Variants in NCOA7 observed in about 807,000 individuals in gnomAD.
NCOA7 encodes the protein 140 kDa estrogen receptor-associated protein.
A neutral mutation model predicts 104.3 loss-of-function variants in NCOA7; 45 were observed. The observed-to-expected ratio is 0.43, with a 90% CI of 0.34 to 0.55. The LOEUF (loss-of-function observed/expected upper bound fraction) is 0.55, where lower values mean the gene tolerates loss of function less well. NCOA7 is among the 20% of genes least tolerant of loss of function. NCOA7 has a pLI of 0.02. For missense variants in NCOA7, 1,041 were observed against 1,119.7 expected, an observed-to-expected ratio of 0.93 and a Z score of 1.00; for synonymous variants, 398 against 402.3, an observed-to-expected ratio of 0.99 and a Z score of 0.13.
chr6:125,795,750 G>T lies in NCOA7; in HGVS notation c.-65+4683G>T, dbSNP rs574432695. Reference sequence around the variant, plus strand: ...TCTGCACATCTTACCCTGGTCTCTTGGACCCTGAGAGATTCATCTCCTGTC... The same window carrying T: ...TCTGCACATCTTACCCTGGTCTCTTTGACCCTGAGAGATTCATCTCCTGTC... On this transcript the variant is annotated intron_variant, in intron 1 of 15. Transcript: ENST00000392477. Among the ~76,000 whole-genome samples, 117 of 152,126 alleles carry T rather than the reference G, an allele frequency of 7.7e-4. 1 individual carries two copies. The highest frequency in any genetic ancestry group is 2.7e-3 in the African/African-American group (114 of 41,486).
intron 5 of NCOA7, among the ~76,000 whole-genome samples, chr6:125,880,382 G>C (rs2128645887): frequency 1.3e-5 from 2 of 151,960 alleles, no homozygotes; most frequent in South Asian, 4.2e-4. Flanking sequence ...TCCCACCTTG[G>C]AGGGCTCTTC....
intron 10 of NCOA7, among the ~76,000 whole-genome samples, chr6:125,896,926 T>C (rs1006593259): frequency 3.9e-5 from 6 of 152,340 alleles, no homozygotes; most frequent in African/African-American, 1.4e-4. Flanking sequence ...TTATACTCAA[T>C]AGACAGTTAT....
At chr6:125,919,363 G>C in intron 11 of NCOA7, 1 of 1,612,830 alleles carries the variant, frequency 6.2e-7, no homozygotes, top group Non-Finnish European at 8.5e-7. Context: ...CACAATGAGA[G>C]GCCAAAGATT....
intron 2 of NCOA7, among the ~76,000 whole-genome samples, chr6:125,831,858 A>G (rs1779213618): frequency 1.3e-5 from 2 of 152,032 alleles, no homozygotes; most frequent in Non-Finnish European, 1.5e-5. Flanking sequence ...GACTTCTGTC[A>G]TTTGCTTTTT....
intron 1 of NCOA7, among the ~76,000 whole-genome samples, chr6:125,800,899 C>T (rs540391574): frequency 2.3e-4 from 35 of 152,236 alleles, no homozygotes; most frequent in African/African-American, 5.1e-4. Context: ...TCGGGGCACG[C>T]GCCTGTAATC....
chr6:125,890,968 CT>C (rs1784580428), intron 10 of NCOA7, among the ~76,000 whole-genome samples, 158 bp downstream of exon 10: 1 of 152,178 alleles, frequency 6.6e-6, no homozygotes, highest in South Asian at 2.1e-4. Context: ...AAGGGACTTT[CT>C]GCTAAATGGT....
At chr6:125,897,129 G>C (rs528376379) in intron 10 of NCOA7, among the ~76,000 whole-genome samples, 1 of 152,326 alleles carries the variant, frequency 6.6e-6, no homozygotes, top group South Asian at 2.1e-4. Flanking sequence ...ACAGGTATCT[G>C]TCAGTTTAAA....
chr6:125,884,337 T>C (rs1332095554), intron 7 of NCOA7, among the ~76,000 whole-genome samples: 1 of 152,222 alleles, frequency 6.6e-6, no homozygotes, highest in African/African-American at 2.4e-5. Flanking sequence ...GTTTGAGATA[T>C]GATTTCATTT....
Position 125,897,528 on chromosome 6 carries a change from GCA to G in NCOA7, c.2096+6723_2096+6724del, listed in dbSNP as rs779307404. ...TATTTTTCCTGGAATTGGCATAATA[GCA>G]CACAGTTAATTTTTACTTTATCTCT... is the stretch of plus-strand genomic sequence containing the variant. On this transcript the variant is annotated intron_variant, in intron 10 of 15. Coordinates refer to ENST00000392477, the MANE Select transcript of NCOA7 (RefSeq NM_181782.5). Among the ~76,000 whole-genome samples the G allele has an allele frequency of 7.9e-5, 12 of 152,148 alleles. No homozygotes were observed. In the East Asian group the frequency reaches 2.1e-3, roughly 27 times the overall value.
chr6:125,866,280 G>GAT (rs1248683738), intron 3 of NCOA7, among the ~76,000 whole-genome samples: 4 of 151,766 alleles, frequency 2.6e-5, no homozygotes, highest in Non-Finnish European at 5.9e-5. Context: ...GATGAGCCGA[G>GAT]ATCACGCCAT....
chr6:125,880,182 G>A (rs1003746693), intron 5 of NCOA7, among the ~76,000 whole-genome samples: 7 of 152,110 alleles, frequency 4.6e-5, no homozygotes, highest in Non-Finnish European at 1.0e-4. Flanking sequence ...CCCAGACACT[G>A]TTGGAAGAGA....
chr6:125,922,062 C>G (rs1396977182), intron 12 of NCOA7, among the ~76,000 whole-genome samples: 1 of 152,212 alleles, frequency 6.6e-6, no homozygotes, highest in Non-Finnish European at 1.5e-5. Flanking sequence ...GTGTGGGATT[C>G]ACACTGACAC....
intron 2 of NCOA7, among the ~76,000 whole-genome samples, chr6:125,851,018 T>G (rs1781076046): frequency 6.6e-6 from 1 of 152,236 alleles, no homozygotes; most frequent in African/African-American, 2.4e-5. Context: ...AAAAATAAGT[T>G]AAAATCAGGA....
intron 1 of NCOA7, among the ~76,000 whole-genome samples, chr6:125,814,353 AC>A (rs762665260): frequency 6.6e-6 from 1 of 152,014 alleles, no homozygotes; most frequent in Non-Finnish European, 1.5e-5. Flanking sequence ...ATGTGGTTTC[AC>A]CCTGTTGGCC....
rs1330971250 is a variant in NCOA7, at chr6:125,809,486, C to T, written c.-64-5805C>T. Among the ~76,000 whole-genome samples the T allele has an allele frequency of 9.9e-5, 15 of 152,226 alleles. No individual in the cohort carries two copies. In the East Asian group the frequency reaches 2.9e-3, roughly 29 times the overall value. On this transcript the variant is annotated intron_variant, in intron 1 of 15. Coordinates refer to ENST00000392477, the MANE Select transcript of NCOA7 (RefSeq NM_181782.5). ...GCATGAGCCACTGCGTCTGGGTACCCTTGTAAGTTTGTGGCACACGTTTGT... is the reference window on the plus strand; with the variant it reads ...GCATGAGCCACTGCGTCTGGGTACCTTTGTAAGTTTGTGGCACACGTTTGT...
rs1055252128 is a variant in NCOA7 at position 125,864,604 on chromosome 6, C to T, written c.271+9364C>T. Among the ~76,000 whole-genome samples the T allele has an allele frequency of 2.1e-4, 28 of 134,976 alleles. 4 individuals carry two copies. The highest frequency in any genetic ancestry group is 8.4e-4 in the Admixed American group (12 of 14,238). The allele number at this position is 134,976 out of a possible 152,430, so 88.5% of individuals were successfully genotyped here. ...GGAAGTAATGAGGCCATATGGGTGG[C>T]GACCTCATGATTGGGATTAGTGTTC... On this transcript the variant is annotated intron_variant, in intron 3 of 15. Coordinates refer to ENST00000392477, the MANE Select transcript of NCOA7 (RefSeq NM_181782.5).
rs961463674 is a variant in NCOA7 at position 125,882,475 on chromosome 6, C to T, written c.623C>T (p.Ser208Leu). ...KALKPIERVL[S>L]STSEEDEPGV... ...TTGAAACCCATTGAAAGAGTCTTAT[C>T]GTCTACTTCTGAAGAAGATGAGCCA... is the stretch of plus-strand genomic sequence containing the variant. The change falls in exon 7 of 16, where the codon TCG (serine) becomes TTG (leucine). Residue 208 changes from serine to leucine, a missense_variant. Coordinates refer to ENST00000392477, the MANE Select transcript of NCOA7 (RefSeq NM_181782.5). The T allele has an allele frequency of 3.1e-6, 5 of 1,613,640 alleles. No individual in the cohort carries two copies. Among genetic ancestry groups the T allele is most frequent in the Admixed American group, 3.3e-5 (2 of 59,980 alleles).
chr6:125,796,195 G>T (rs1401579845), intron 1 of NCOA7, among the ~76,000 whole-genome samples: 1 of 151,978 alleles, frequency 6.6e-6, no homozygotes, highest in East Asian at 1.9e-4. Context: ...CTATGTTATA[G>T]CTAATAGCTA....
intron 2 of NCOA7, among the ~76,000 whole-genome samples, chr6:125,819,332 C>T (rs1414975388): frequency 2.0e-5 from 3 of 151,532 alleles, no homozygotes; most frequent in Admixed American, 2.0e-4. Flanking sequence ...CCAGTCTTTC[C>T]TTTCTTATAA....
Sources: gnomAD v4.1 joint callset for allele counts (sites outside exome capture counted in the v4.1 genomes callset) on GRCh38, gnomAD v4.1.1 for gene constraint, MANE v1.5 for transcripts, NCBI Gene and HGNC (gene_info 2026-07-23, HGNC 2026-07-21) for gene names.